Variants in ADGRE3 observed in about 807,000 individuals in gnomAD.
ADGRE3 encodes the protein EGF-like module receptor 3.
A neutral mutation model predicts 80.1 loss-of-function variants in ADGRE3; 88 were observed. The ratio of observed to expected loss-of-function variants is 1.10; its 90% confidence interval spans 0.93 to 1.31. The LOEUF (loss-of-function observed/expected upper bound fraction) is 1.31, where lower values mean the gene tolerates loss of function less well. Ranked by LOEUF, ADGRE3 falls within the 40% of genes most tolerant of loss-of-function variation. The pLI is 0.00. For missense variants in ADGRE3, 715 were observed against 776.5 expected (o/e 0.92, Z 0.94); for synonymous variants, 281 against 294.8 (o/e 0.95, Z 0.48).
At chr19:14,605,387 C>T in the ADGRE3 span, among the ~76,000 whole-genome samples, 18 of 151,678 alleles carry the variant, frequency 1.2e-4, no homozygotes, top group Admixed American at 3.9e-4. Context: ...TGAGCCACCG[C>T]GCCCGGCCAC....
At chr19:14,646,158 C>T (rs1457657109) in intron 8 of ADGRE3, among the ~76,000 whole-genome samples, 1 of 152,124 alleles carries the variant, frequency 6.6e-6, no homozygotes, top group East Asian at 1.9e-4. Flanking sequence ...GAGTCTGACT[C>T]TGTTGCCAGG....
chr19:14,651,498 G>T (rs1398401349), intron 6 of ADGRE3, among the ~76,000 whole-genome samples: 1 of 152,166 alleles, frequency 6.6e-6, no homozygotes, highest in Non-Finnish European at 1.5e-5. Context: ...CTTCATCAGG[G>T]ACAACTCTAT....
chr19:14,663,341 G>A (rs1331986074), intron 3 of ADGRE3, 77 bp downstream of exon 3: 3 of 945,386 alleles, frequency 3.2e-6, no homozygotes, highest in Admixed American at 3.3e-5. Context: ...GTCCAGCCTG[G>A]GCAACAGAGC....
the ADGRE3 span, among the ~76,000 whole-genome samples, chr19:14,600,891 C>CTTTTTT: frequency 3.2e-5 from 2 of 63,216 alleles, no homozygotes; most frequent in Admixed American, 2.1e-4. Context: ...GCTCGGCCTT[C>CTTTTTT]TTTTTTTTTT....
At chr19:14,640,971 G>T (rs1292473822) in intron 10 of ADGRE3, among the ~76,000 whole-genome samples, 2 of 151,952 alleles carry the variant, frequency 1.3e-5, no homozygotes, top group Non-Finnish European at 2.9e-5. Context: ...CCCAGTCTTG[G>T]GTATATCTTT....
chr19:14,617,341 C>CCTCCCTCTCTTTCTTTCTTTCTTTCTTT, downstream of ADGRE3, among the ~76,000 whole-genome samples: 50 of 57,264 alleles, frequency 8.7e-4, no homozygotes, highest in African/African-American at 1.7e-3. Context: ...TCCCTCCCTC[C>CCTCCCTCTCTTTCTTTCTTTCTTTCTTT]CTTTCTTTCT....
intron 9 of ADGRE3, among the ~76,000 whole-genome samples, chr19:14,642,280 G>A (rs1971275945): frequency 6.6e-6 from 1 of 152,100 alleles, no homozygotes; most frequent in South Asian, 2.1e-4. Flanking sequence ...GGGAAGCTGA[G>A]GTGGGAGGAT....
At position 14,644,266 on chromosome 19, in the gene ADGRE3, T is replaced by TG. The variant is rs1045300366; in HGVS notation, c.891dup (p.Ser298GlnfsTer37). On this transcript the variant is annotated frameshift_variant, in exon 9 of 16. Transcript: ENST00000253673. LOFTEE classifies it high-confidence loss of function. Reference sequence around the variant, plus strand: ...TAGACACAGAAGACCTTTTTGGTACTGGGGGTCATCTGAAAATAGAAAATA... The same window carrying TG: ...TAGACACAGAAGACCTTTTTGGTACTGGGGGGTCATCTGAAAATAGAAAATA... The TG allele has an allele frequency of 6.5e-7, 1 of 1,527,268 alleles. No individual in the cohort carries two copies. 94.6% of individuals were successfully genotyped at this position (1,527,268 alleles called of 1,614,324 possible).
chr19:14,672,036 C>A (rs1331833551), intron 1 of ADGRE3, among the ~76,000 whole-genome samples: 4 of 152,150 alleles, frequency 2.6e-5, no homozygotes, highest in African/African-American at 7.2e-5. Context: ...ATGCGTGAGG[C>A]ACTTTCTTCT....
intron 6 of ADGRE3, among the ~76,000 whole-genome samples, chr19:14,652,790 GAA>G (rs372506023): frequency 0.013 from 1,627 of 125,946 alleles, 15 homozygotes; most frequent in Non-Finnish European, 0.017. Context: ...AAAAAAAAAA[GAA>G]AAAAAAAAAA....
At chr19:14,658,849 C>T (rs895104763) in intron 4 of ADGRE3, among the ~76,000 whole-genome samples, 1 of 151,440 alleles carries the variant, frequency 6.6e-6, no homozygotes, top group Non-Finnish European at 1.5e-5. Flanking sequence ...ATTCTCCTGC[C>T]TCAGCCTCCT....
chr19:14,665,978 A>ATATATAT (rs1568500899), intron 2 of ADGRE3, among the ~76,000 whole-genome samples: 1 of 128,244 alleles, frequency 7.8e-6, no homozygotes, highest in African/African-American at 2.9e-5. Context: ...ATATATATAT[A>ATATATAT]GTGTTTTCTT....
At position 14,625,846 on chromosome 19, in the gene ADGRE3, A is replaced by G. The variant is rs368342216; in HGVS notation, c.1813-247T>C. ...ATAAGCTGGTCATGAAAAGGCACAT[A>G]CTGTATGATTCTACTTATATGAGGT... On this transcript the variant is annotated intron_variant, in intron 14 of 15. Transcript: ENST00000253673. 1.2e-3 allele frequency among the ~76,000 whole-genome samples: 190 copies of G among 152,314 alleles called. 1 individual carries two copies. The highest frequency in any genetic ancestry group is 4.2e-3 in the African/African-American group (173 of 41,572).
intron 7 of ADGRE3, among the ~76,000 whole-genome samples, chr19:14,650,807 CTTCT>C (rs1231549483): frequency 9.2e-5 from 14 of 152,144 alleles, no homozygotes; most frequent in Admixed American, 9.2e-4. Context: ...ACTTCTCACA[CTTCT>C]TTCAGGGTTT....
chr19:14,628,277 C>CA (rs371415747), intron 14 of ADGRE3, among the ~76,000 whole-genome samples: 60,186 of 138,954 alleles, frequency 0.43, 12,895 homozygotes, highest in Non-Finnish European at 0.47. Flanking sequence ...ACTAAAAATA[C>CA]AAAAAAAAAA....
intron 4 of ADGRE3, among the ~76,000 whole-genome samples, chr19:14,660,937 C>CTTTTTTTTTTTTTTTTTTT (rs35730102): frequency 1.2e-5 from 1 of 83,482 alleles, no homozygotes; most frequent in Non-Finnish European, 2.2e-5. Context: ...GTCATATTTC[C>CTTTTTTTTTTTTTTTTTTT]TTTTTTTTTT....
intron 4 of ADGRE3, among the ~76,000 whole-genome samples, chr19:14,659,367 A>T (rs1168139133): frequency 6.6e-6 from 1 of 152,128 alleles, no homozygotes; most frequent in Admixed American, 6.6e-5. Context: ...TTCCATCTTG[A>T]CTGGAAATTA....
intron 8 of ADGRE3, among the ~76,000 whole-genome samples, chr19:14,645,724 G>A (rs1451009254): frequency 1.3e-5 from 2 of 151,966 alleles, no homozygotes; most frequent in African/African-American, 4.8e-5. Flanking sequence ...ATAATTTCAG[G>A]GTTTTAAGAA....
chr19:14,619,356 T>C lies in ADGRE3; in HGVS notation c.*77A>G. The C allele has an allele frequency of 8.2e-6, 9 of 1,100,134 alleles. No homozygotes were observed. The South Asian group carries it at 1.1e-4, about 14-fold the overall frequency. 68.1% of individuals were successfully genotyped at this position (1,100,134 alleles called of 1,614,324 possible). A position where few individuals can be genotyped will look rare whatever the true frequency, so the allele number is the denominator to read the frequency against. On this transcript the variant is annotated 3_prime_UTR_variant, in exon 16 of 16. Coordinates refer to ENST00000253673, the MANE Select transcript of ADGRE3 (RefSeq NM_032571.5). ...GGATGATATGTTTAATGAATTCCCT[T>C]TTCCTTAGCTTCATTCTTCATAATG...
Sources: gnomAD v4.1 joint callset for allele counts (sites outside exome capture counted in the v4.1 genomes callset) on GRCh38, gnomAD v4.1.1 for gene constraint, MANE v1.5 for transcripts, NCBI Gene and HGNC (gene_info 2026-07-23, HGNC 2026-07-21) for gene names.